Variants in CENPW observed in about 807,000 individuals in gnomAD.
CENPW encodes centromere protein W.
Under a neutral mutation model 11.1 loss-of-function variants are expected in CENPW, and 3 were observed. That is an observed-to-expected ratio of 0.27 (90% CI 0.12 to 0.70). The LOEUF is 0.70. Among genes scored for constraint, CENPW ranks in the 30% least tolerant of loss-of-function variants. The pLI is 0.77. For synonymous variants in CENPW, 38 were observed against 42.0 expected, an observed-to-expected ratio of 0.91 and a Z score of 0.37; for missense variants, 100 against 105.6, an observed-to-expected ratio of 0.95 and a Z score of 0.23.
the CENPW span, among the ~76,000 whole-genome samples, chr6:126,473,724 C>T: frequency 6.7e-6 from 1 of 150,184 alleles, no homozygotes; most frequent in East Asian, 2.0e-4. Context: ...GAGTGAATCT[C>T]TCTCTCTCTC....
At chr6:126,340,855 C>T (rs565310597) in intron 1 of CENPW, among the ~76,000 whole-genome samples, 3 of 152,292 alleles carry the variant, frequency 2.0e-5, no homozygotes, top group South Asian at 4.1e-4. Flanking sequence ...TCTTGCCTCC[C>T]TCCCTGTCTC....
the CENPW span, among the ~76,000 whole-genome samples, chr6:126,380,646 G>C: frequency 6.6e-6 from 1 of 152,112 alleles, no homozygotes; most frequent in Non-Finnish European, 1.5e-5. Flanking sequence ...ATAATGCATA[G>C]TAGACAAAAT....
the CENPW span, among the ~76,000 whole-genome samples, chr6:126,378,493 T>C: frequency 6.6e-6 from 1 of 152,016 alleles, no homozygotes; most frequent in Non-Finnish European, 1.5e-5. Flanking sequence ...TAATATTAAC[T>C]TCAATCAATG....
the CENPW span, among the ~76,000 whole-genome samples, chr6:126,475,199 C>T: frequency 6.6e-6 from 1 of 151,954 alleles, no homozygotes; most frequent in African/African-American, 2.4e-5. Context: ...AGACACCCAC[C>T]TTTATATTAG....
At chr6:126,419,316 A>C in the CENPW span, among the ~76,000 whole-genome samples, 513 of 152,274 alleles carry the variant, frequency 3.4e-3, 3 homozygotes, top group African/African-American at 0.011. Context: ...TTTCACAGTC[A>C]AAAAGCATAA....
the CENPW span, among the ~76,000 whole-genome samples, chr6:126,482,587 C>G: frequency 6.6e-6 from 1 of 151,846 alleles, no homozygotes. Flanking sequence ...AGCCAATTGA[C>G]CCAGAACCAC....
the CENPW span, among the ~76,000 whole-genome samples, chr6:126,454,401 A>G: frequency 6.6e-6 from 1 of 151,334 alleles, no homozygotes; most frequent in African/African-American, 2.4e-5. Flanking sequence ...AAAAATAGAA[A>G]TTAATACTAA....
At chr6:126,370,000 T>G in the CENPW span, among the ~76,000 whole-genome samples, 1 of 152,208 alleles carries the variant, frequency 6.6e-6, no homozygotes, top group Non-Finnish European at 1.5e-5. Context: ...GGCTTGCCAA[T>G]TATTCCAGCA....
At chr6:126,414,967 C>T in the CENPW span, among the ~76,000 whole-genome samples, 3 of 151,926 alleles carry the variant, frequency 2.0e-5, no homozygotes, top group Admixed American at 6.6e-5. Flanking sequence ...TATGAATAAC[C>T]ATACAACAAA....
chr6:126,340,594 G>C (rs1472590564), intron 1 of CENPW, 195 bp downstream of exon 1: 2 of 725,110 alleles, frequency 2.8e-6, no homozygotes, highest in Admixed American at 2.9e-5. Context: ...CAGTTGTACC[G>C]GGCCGCGCCG....
the CENPW span, among the ~76,000 whole-genome samples, chr6:126,354,540 A>G: frequency 1.3e-5 from 2 of 152,146 alleles, no homozygotes; most frequent in Admixed American, 1.3e-4. Flanking sequence ...CACCCACCTA[A>G]TACAAAAAAT....
At chr6:126,479,555 T>C in the CENPW span, among the ~76,000 whole-genome samples, 1 of 152,084 alleles carries the variant, frequency 6.6e-6, no homozygotes, top group Admixed American at 6.6e-5. Context: ...TGAAAATGCA[T>C]CTTTTTCCTG....
the CENPW span, among the ~76,000 whole-genome samples, chr6:126,452,020 C>A: frequency 6.0e-5 from 9 of 151,076 alleles, no homozygotes; most frequent in African/African-American, 2.2e-4. Flanking sequence ...GGTTGGTGCA[C>A]ATGTGGAACA....
chr6:126,349,163 A>G (rs1780462133), downstream of CENPW, among the ~76,000 whole-genome samples: 1 of 152,076 alleles, frequency 6.6e-6, no homozygotes, highest in African/African-American at 2.4e-5. Context: ...AATAGTTGTT[A>G]CTTTTAACTT....
chr6:126,341,640 C>A (rs1366601767), intron 1 of CENPW, among the ~76,000 whole-genome samples: 1 of 152,196 alleles, frequency 6.6e-6, no homozygotes. Context: ...CCCCAATTAA[C>A]TATCCCATGC....
chr6:126,461,989 T>C, the CENPW span, among the ~76,000 whole-genome samples: 3 of 151,908 alleles, frequency 2.0e-5, no homozygotes, highest in South Asian at 2.1e-4. Flanking sequence ...AGTAAATTAC[T>C]TCTCACTAAA....
the CENPW span, among the ~76,000 whole-genome samples, chr6:126,416,422 G>A: frequency 1.3e-5 from 2 of 152,174 alleles, no homozygotes; most frequent in Admixed American, 6.5e-5. Flanking sequence ...AAGTCAAGCT[G>A]GCCGCAGAAA....
At chr6:126,400,997 C>T in the CENPW span, among the ~76,000 whole-genome samples, 77 of 151,974 alleles carry the variant, frequency 5.1e-4, no homozygotes, top group African/African-American at 1.8e-3. Context: ...ATTTTAAATT[C>T]TCTGTCTTGT....
rs182439161 is a variant in CENPW at position 126,340,478 on chromosome 6, G to T, written c.126+79G>T. The T allele has an allele frequency of 1.5e-5, 24 of 1,606,646 alleles. No homozygotes were observed. In the African/African-American group the frequency reaches 2.5e-4, roughly 17 times the overall value. ...AATAACCTTAAGCCTTTGTTTTTCC[G>T]CCCCGAGCCAATTTATAGCTCTTTC... is the stretch of plus-strand genomic sequence containing the variant. On this transcript the variant is annotated intron_variant, in intron 1 of 2. Transcript: ENST00000368328.
Sources: gnomAD v4.1 joint callset for allele counts (sites outside exome capture counted in the v4.1 genomes callset) on GRCh38, gnomAD v4.1.1 for gene constraint, MANE v1.5 for transcripts, NCBI Gene and HGNC (gene_info 2026-07-23, HGNC 2026-07-21) for gene names.